The following ADAM22 variants were observed in gnomAD, a reference collection of about 807,000 sequenced individuals.
ADAM22 encodes the protein disintegrin and metalloproteinase domain-containing protein 22.
ADAM22 carries 65 observed loss-of-function variants against 144.6 expected under a neutral mutation model. The observed-to-expected ratio is 0.45, with a 90% CI of 0.37 to 0.55. ADAM22 has a LOEUF of 0.55. ADAM22 is among the 20% of genes least tolerant of loss of function. ADAM22 has a pLI of 0.00. For synonymous variants in ADAM22, 391 were observed against 412.6 expected, an observed-to-expected ratio of 0.95 and a Z score of 0.63; for missense variants, 974 against 1,184.9, an observed-to-expected ratio of 0.82 and a Z score of 2.61.
intron 4 of ADAM22, 60 bp downstream of exon 4, chr7:88,075,752 T>A (rs1814247765): frequency 1.2e-5 from 14 of 1,161,732 alleles, no homozygotes; most frequent in African/African-American, 7.7e-5. Context: ...TACTACTGAT[T>A]ATTATTTTAA....
chr7:88,068,661 A>T (rs1811923182), intron 3 of ADAM22, among the ~76,000 whole-genome samples: 4 of 152,162 alleles, frequency 2.6e-5, no homozygotes, highest in African/African-American at 9.6e-5. Context: ...AACTGGGCAG[A>T]TATGCTTTAT....
At chr7:88,038,920 A>G (rs1326999198) in intron 3 of ADAM22, among the ~76,000 whole-genome samples, 7 of 151,720 alleles carry the variant, frequency 4.6e-5, no homozygotes, top group Admixed American at 2.6e-4. Flanking sequence ...AGCTGGGACT[A>G]TAGGCATGTG....
chr7:87,963,488 T>G (rs1376972624), intron 2 of ADAM22, among the ~76,000 whole-genome samples: 1 of 152,156 alleles, frequency 6.6e-6, no homozygotes, highest in African/African-American at 2.4e-5. Flanking sequence ...GTGCCTGGCC[T>G]TTTTCCTTTG....
intron 3 of ADAM22, among the ~76,000 whole-genome samples, chr7:87,981,277 G>A (rs890534243): frequency 4.6e-5 from 7 of 152,124 alleles, no homozygotes; most frequent in African/African-American, 7.2e-5. Flanking sequence ...ATCTTTTATA[G>A]CCTGCTTTTT....
At chr7:88,074,731 T>C (rs1310799796) in intron 3 of ADAM22, among the ~76,000 whole-genome samples, 1 of 152,190 alleles carries the variant, frequency 6.6e-6, no homozygotes, top group East Asian at 1.9e-4. Flanking sequence ...CCTGCATTAA[T>C]GTAATGCTTG....
At chr7:88,130,976 T>C (rs1343574231) in intron 10 of ADAM22, among the ~76,000 whole-genome samples, 1 of 152,166 alleles carries the variant, frequency 6.6e-6, no homozygotes, top group Non-Finnish European at 1.5e-5. Flanking sequence ...AACTCAAGCA[T>C]GCATGAATTC....
chr7:88,132,340 C>T (rs1832019501), intron 11 of ADAM22: 1 of 152,236 alleles, frequency 6.6e-6, no homozygotes, highest in Non-Finnish European at 1.5e-5. Flanking sequence ...ATTCAAATTT[C>T]ACCAATTACC....
At chr7:87,960,264 A>C (rs945110212) in intron 2 of ADAM22, among the ~76,000 whole-genome samples, 1 of 152,230 alleles carries the variant, frequency 6.6e-6, no homozygotes, top group Non-Finnish European at 1.5e-5. Flanking sequence ...GGTTAGAAGA[A>C]GTCCATATGC....
rs187084195 is a variant in ADAM22, at chr7:87,975,671, G to T, written c.247-2665G>T. Among the ~76,000 whole-genome samples, 14 of 152,292 alleles carry T rather than the reference G, an allele frequency of 9.2e-5. No individual in the cohort carries two copies. The East Asian group carries it at 9.6e-4, about 10-fold the overall frequency. ...AGGAAAAAGAATTATAATTAATGCA[G>T]ACAGTAAATACCTTGCCAAGAAGAA... is the stretch of plus-strand genomic sequence containing the variant. On this transcript the variant is annotated intron_variant, in intron 2 of 31. Transcript: ENST00000413139.
At chr7:88,111,413 TAAA>T (rs1231087767) in intron 5 of ADAM22, among the ~76,000 whole-genome samples, 3 of 152,168 alleles carry the variant, frequency 2.0e-5, no homozygotes, top group Non-Finnish European at 4.4e-5. Context: ...TTCAATAATA[TAAA>T]TAAGGGAAAA....
intron 4 of ADAM22, among the ~76,000 whole-genome samples, chr7:88,081,465 A>C (rs1294833700): frequency 1.3e-5 from 2 of 152,206 alleles, no homozygotes; most frequent in Non-Finnish European, 2.9e-5. Flanking sequence ...ACTCCTATTC[A>C]ACATAGTGTT....
intron 24 of ADAM22, 89 bp from the exon 25 acceptor site, chr7:88,168,048 G>T: frequency 9.7e-7 from 1 of 1,033,104 alleles, no homozygotes; most frequent in Non-Finnish European, 1.4e-6. Flanking sequence ...AAACAGTGTT[G>T]TTAGTGTGAT....
chr7:88,086,481 CA>C (rs1187786656), intron 4 of ADAM22, among the ~76,000 whole-genome samples: 3 of 151,938 alleles, frequency 2.0e-5, no homozygotes, highest in African/African-American at 7.2e-5. Flanking sequence ...GAATTTTTTT[CA>C]AAGGTTACAA....
intron 3 of ADAM22, among the ~76,000 whole-genome samples, chr7:88,049,368 TC>T (rs1805567559): frequency 1.3e-5 from 2 of 152,176 alleles, no homozygotes; most frequent in Non-Finnish European, 2.9e-5. Flanking sequence ...TCTTTTTTTT[TC>T]TTTTCTGTTT....
intron 3 of ADAM22, among the ~76,000 whole-genome samples, chr7:87,989,076 C>G (rs1020721184): frequency 6.6e-6 from 1 of 152,152 alleles, no homozygotes; most frequent in Admixed American, 6.6e-5. Context: ...TTAAAATAGT[C>G]AAGCTTTATG....
At position 88,202,646 on chromosome 7, in the gene ADAM22, T is replaced by C. The variant is rs776078460; in HGVS notation, c.*6155T>C. 2 of 152,236 alleles carry C rather than the reference T, an allele frequency of 1.3e-5. No individual in the cohort carries two copies. Among genetic ancestry groups the C allele is most frequent in the African/African-American group, 2.4e-5 (1 of 41,470 alleles). The allele number at this position is 152,236 out of a possible 1,614,324, so 9.4% of individuals were successfully genotyped here. Reference sequence around the variant, plus strand: ...TGGCAAACACCAATGGAAATGTATATGGCAACTGCTTTCCTGAGCAAGTGT... The same window carrying C: ...TGGCAAACACCAATGGAAATGTATACGGCAACTGCTTTCCTGAGCAAGTGT... On this transcript the variant is annotated 3_prime_UTR_variant, in exon 32 of 32. Transcript: ENST00000413139.
At chr7:88,010,774 T>G (rs1225616973) in intron 3 of ADAM22, among the ~76,000 whole-genome samples, 1 of 152,128 alleles carries the variant, frequency 6.6e-6, no homozygotes, top group Non-Finnish European at 1.5e-5. Context: ...GTCATTTTGG[T>G]AAGTCAAAAC....
chr7:87,972,790 A>G (rs1850790103), intron 2 of ADAM22, among the ~76,000 whole-genome samples: 1 of 152,224 alleles, frequency 6.6e-6, no homozygotes, highest in African/African-American at 2.4e-5. Context: ...ATAACACCGC[A>G]TATCTACAAC....
At chr7:88,136,275 T>C (rs962238415) in intron 14 of ADAM22, among the ~76,000 whole-genome samples, 2 of 152,230 alleles carry the variant, frequency 1.3e-5, no homozygotes, top group African/African-American at 4.8e-5. Context: ...ACTTTGTTTT[T>C]GGTGGCTTAC....
Sources: gnomAD v4.1 joint callset for allele counts (sites outside exome capture counted in the v4.1 genomes callset) on GRCh38, gnomAD v4.1.1 for gene constraint, MANE v1.5 for transcripts, NCBI Gene and HGNC (gene_info 2026-07-23, HGNC 2026-07-21) for gene names.